Variants in PCDHGA3 observed in about 807,000 individuals in gnomAD.
PCDHGA3 encodes the protein protocadherin gamma subfamily A, 3.
Under a neutral mutation model 58.5 loss-of-function variants are expected in PCDHGA3, and 40 were observed. The observed-to-expected ratio is 0.68, with a 90% CI of 0.53 to 0.89. PCDHGA3 has a LOEUF of 0.89. Ranked by LOEUF, PCDHGA3 falls within the 40% of genes least tolerant of loss-of-function variation. PCDHGA3 has a pLI of 0.00. For synonymous variants in PCDHGA3, 530 were observed against 525.7 expected, an observed-to-expected ratio of 1.01 and a Z score of -0.11; for missense variants, 1,223 against 1,195.9, an observed-to-expected ratio of 1.02 and a Z score of -0.33.
rs1561869085 is a variant in PCDHGA3, at chr5:141,433,357, GCCTA to G, written c.2425-61449_2425-61446del. On this transcript the variant is annotated intron_variant, in intron 1 of 3. Transcript: ENST00000253812. ...TACAGGTGCAAGCCACCTACTGTCT[GCCTA>G]TCTATCTATCTATCTATCTATCTAT... is the stretch of plus-strand genomic sequence containing the variant. 3 of 568,974 alleles carry G rather than the reference GCCTA, an allele frequency of 5.3e-6. No homozygotes were observed. In the African/African-American group the frequency reaches 6.4e-5, roughly 12 times the overall value. The allele number at this position is 568,974 out of a possible 1,614,324, so 35.2% of individuals were successfully genotyped here.
In PCDHGA3 at chr5:141,431,248, G is replaced by C. The variant is rs1213088915; in HGVS notation, c.2425-63559G>C. On this transcript the variant is annotated intron_variant, in intron 1 of 3. Coordinates refer to ENST00000253812, the MANE Select transcript of PCDHGA3 (RefSeq NM_018916.4). This position sits in a 1 kb window ranked among gnomAD's most constrained non-coding sequence, Gnocchi z 4.8. ...CCCACGCCTGGGATCCGGATATCGG[G>C]AAGAACTCTCTGCAGAGCTACGAGC... is the stretch of plus-strand genomic sequence containing the variant. 5 of 1,614,022 alleles carry C rather than the reference G, an allele frequency of 3.1e-6. No homozygotes were observed. Among genetic ancestry groups the C allele is most frequent in the Non-Finnish European group, 4.2e-6 (5 of 1,180,056 alleles).
intron 1 of PCDHGA3, among the ~76,000 whole-genome samples, chr5:141,480,272 G>A (rs903112862): frequency 7.2e-6 from 1 of 138,796 alleles, no homozygotes; most frequent in African/African-American, 3.0e-5. Flanking sequence ...TTCATTAGCT[G>A]GGTGTGTTGG....
intron 1 of PCDHGA3, chr5:141,374,136 C>T (rs769413254): frequency 1.2e-5 from 19 of 1,605,624 alleles, no homozygotes; most frequent in Non-Finnish European, 1.4e-5. Context: ...CTGCTCCTCA[C>T]GCTCCTGGGG....
At chr5:141,415,024 G>T in intron 1 of PCDHGA3, 1 of 1,613,568 alleles carries the variant, frequency 6.2e-7, no homozygotes, top group Non-Finnish European at 8.5e-7. Flanking sequence ...CAAGGCCAGC[G>T]AGCCGGGACT....
intron 1 of PCDHGA3, chr5:141,371,516 A>G: frequency 6.2e-7 from 1 of 1,613,882 alleles, no homozygotes. Flanking sequence ...CACATGATCT[A>G]GATTCTGGAT....
chr5:141,390,542 G>A, intron 1 of PCDHGA3: 1 of 511,902 alleles, frequency 2.0e-6, no homozygotes, highest in South Asian at 2.4e-5. Context: ...TAACCACAAA[G>A]TGAAAGTGTT....
At chr5:141,393,017 C>T (rs1192044321) in intron 1 of PCDHGA3, 2 of 1,613,754 alleles carry the variant, frequency 1.2e-6, no homozygotes, top group Non-Finnish European at 1.7e-6. Context: ...GTATCGTCTC[C>T]AGAGGTAGGA....
chr5:141,408,326 G>A, intron 1 of PCDHGA3: 6 of 1,613,904 alleles, frequency 3.7e-6, no homozygotes, highest in Non-Finnish European at 4.2e-6. Context: ...GGAGGAGCTG[G>A]CCAAGGGCTC....
chr5:141,405,394 CTT>C lies in PCDHGA3; in HGVS notation c.2424+58939_2424+58940del, dbSNP rs1561700295. 3.8e-6 allele frequency: 6 copies of C among 1,593,014 alleles called. No individual in the cohort carries two copies. In the Admixed American group the frequency reaches 7.1e-5, roughly 19 times the overall value. On this transcript the variant is annotated intron_variant, in intron 1 of 3. Transcript: ENST00000253812. ...TGGTTCCGGTGAGTTCATTTTTTTT[CTT>C]TCTTTCTTTTCTTTTTTTGTTTTTT...
intron 1 of PCDHGA3, chr5:141,388,295 C>A (rs766909730): frequency 8.1e-6 from 13 of 1,613,442 alleles, no homozygotes; most frequent in Non-Finnish European, 1.1e-5. Flanking sequence ...CGCAAAATTC[C>A]TTTGAGCTGC....
At chr5:141,361,809 T>G (rs755899945) in intron 1 of PCDHGA3, 1 of 1,612,970 alleles carries the variant, frequency 6.2e-7, no homozygotes, top group Non-Finnish European at 8.5e-7. Context: ...TCAATGACAA[T>G]GCGCCACGGG....
chr5:141,419,968 T>G lies in PCDHGA3; in HGVS notation c.2424+73511T>G, dbSNP rs766617414. ...CCTTGGCCTTGATTTCTGTGCTCTT[T>G]CTCCTCGCGGTGATTCTAGCTATTG... is the stretch of plus-strand genomic sequence containing the variant. On this transcript the variant is annotated intron_variant, in intron 1 of 3. Transcript: ENST00000253812. The G allele has an allele frequency of 6.2e-6, 10 of 1,614,036 alleles. No homozygotes were observed. The South Asian group carries it at 1.1e-4, about 18-fold the overall frequency.
chr5:141,372,129 C>G (rs62620756), intron 1 of PCDHGA3: 1 of 1,613,624 alleles, frequency 6.2e-7, no homozygotes, highest in Non-Finnish European at 8.5e-7. Context: ...CGATATGGTG[C>G]CGCGCTCTGC....
At position 141,453,908 on chromosome 5, in the gene PCDHGA3, A is replaced by T. The variant is rs1198219869; in HGVS notation, c.2425-40899A>T. On this transcript the variant is annotated intron_variant, in intron 1 of 3. Transcript: ENST00000253812. ...CCAATCACATGACTTCTTTCAAAGT[A>T]TGTCAGTGATCAGTCACTGTGTGCC... Among the ~76,000 whole-genome samples, 4 of 152,242 alleles carry T rather than the reference A, an allele frequency of 2.6e-5. No homozygotes were observed. The East Asian group carries it at 5.8e-4, about 22-fold the overall frequency.
At chr5:141,351,299 T>A (rs1158316654) in intron 1 of PCDHGA3, 9 of 1,613,848 alleles carry the variant, frequency 5.6e-6, no homozygotes, top group Non-Finnish European at 2.5e-6. Flanking sequence ...GACATTCATG[T>A]CCTTCTCTAA....
rs1224223477 is a variant in PCDHGA3, at chr5:141,356,416, A to T, written c.2424+9959A>T. 31 of 1,603,068 alleles carry T rather than the reference A, an allele frequency of 1.9e-5. No homozygotes were observed. Among genetic ancestry groups the T allele is most frequent in the Non-Finnish European group, 2.6e-5 (31 of 1,173,990 alleles). ...CTATGGAAATTATTATCGGTTGTTG[A>T]CACACAGAACACTGGACAGGGAAGA... On this transcript the variant is annotated intron_variant, in intron 1 of 3. Transcript: ENST00000253812.
intron 1 of PCDHGA3, chr5:141,430,780 C>G: frequency 6.6e-7 from 1 of 1,511,476 alleles, no homozygotes; most frequent in Non-Finnish European, 8.8e-7. Context: ...CGCGACTGCA[C>G]CGGGACTACA....
chr5:141,390,790 G>C (rs2092232072), intron 1 of PCDHGA3: 2 of 166,124 alleles, frequency 1.2e-5, no homozygotes, highest in Admixed American at 1.2e-4. Flanking sequence ...TGTTTCAAAA[G>C]CTCTTAGAAT....
At chr5:141,446,129 A>C (rs1488078150) in intron 1 of PCDHGA3, among the ~76,000 whole-genome samples, 1 of 152,204 alleles carries the variant, frequency 6.6e-6, no homozygotes, top group Non-Finnish European at 1.5e-5. Flanking sequence ...GTTCAATAAG[A>C]CTTAATAATG....
Sources: allele counts gnomAD v4.1 joint callset (sites outside exome capture counted in the v4.1 genomes callset), GRCh38; gene constraint gnomAD v4.1.1; non-coding constraint Gnocchi (gnomAD v3.1); transcripts MANE v1.5; gene names NCBI Gene and HGNC (gene_info 2026-07-23, HGNC 2026-07-21).